The following SHC4 variants were observed in gnomAD, a reference collection of about 807,000 sequenced individuals.
The protein encoded by SHC4 is SHC-transforming protein 4.
A neutral mutation model predicts 69.4 loss-of-function variants in SHC4; 41 were observed. That is an observed-to-expected ratio of 0.59 (90% CI 0.46 to 0.77). The LOEUF (loss-of-function observed/expected upper bound fraction) is 0.77. Among genes scored for constraint, SHC4 ranks in the 30% least tolerant of loss-of-function variants. SHC4 has a pLI of 0.00. For synonymous variants in SHC4, 318 were observed against 299.3 expected (o/e 1.06, Z -0.64); for missense variants, 777 against 783.8 (o/e 0.99, Z 0.10).
chr15:48,902,720 G>A (rs1384035276), intron 2 of SHC4, among the ~76,000 whole-genome samples: 2 of 152,164 alleles, frequency 1.3e-5, no homozygotes, highest in African/African-American at 4.8e-5. Context: ...ACCTCAATAT[G>A]GGGTGACTCT....
At chr15:48,934,271 C>T (rs1182296778) in intron 1 of SHC4, among the ~76,000 whole-genome samples, 2 of 151,892 alleles carry the variant, frequency 1.3e-5, no homozygotes, top group Non-Finnish European at 2.9e-5. Flanking sequence ...TAAAAATGGA[C>T]AAAAGAACTG....
chr15:48,878,524 G>A (rs770806745), intron 4 of SHC4: 5 of 1,614,074 alleles, frequency 3.1e-6, no homozygotes, highest in Non-Finnish European at 4.2e-6. Flanking sequence ...AAGAGGAGCA[G>A]CTCAGTGGTG....
At chr15:48,927,258 G>C (rs1221457430) in intron 1 of SHC4, among the ~76,000 whole-genome samples, 1 of 152,148 alleles carries the variant, frequency 6.6e-6, no homozygotes, top group Non-Finnish European at 1.5e-5. Context: ...CCACCCCAGA[G>C]CCTAGGTCTT....
intron 9 of SHC4, among the ~76,000 whole-genome samples, chr15:48,845,189 C>T (rs1408238609): frequency 6.6e-6 from 1 of 152,134 alleles, no homozygotes; most frequent in African/African-American, 2.4e-5. Context: ...GTCCAAGGAC[C>T]AACCACATAC....
chr15:48,916,639 A>G (rs1466601455), intron 2 of SHC4, among the ~76,000 whole-genome samples: 2 of 151,904 alleles, frequency 1.3e-5, no homozygotes, highest in Non-Finnish European at 2.9e-5. Context: ...GCACAGGTAG[A>G]GATCAGCTAG....
intron 4 of SHC4, among the ~76,000 whole-genome samples, chr15:48,875,052 A>C (rs536307165): frequency 4.6e-5 from 7 of 152,362 alleles, no homozygotes; most frequent in African/African-American, 1.7e-4. Flanking sequence ...CAGTGATGAG[A>C]CTGCAGAAGA....
At chr15:48,882,140 T>C (rs1899958147) in intron 4 of SHC4, among the ~76,000 whole-genome samples, 1 of 152,206 alleles carries the variant, frequency 6.6e-6, no homozygotes, top group Admixed American at 6.5e-5. Context: ...ATCCACAAGG[T>C]CTCTCATCTT....
At chr15:48,920,677 C>A (rs999111601) in intron 2 of SHC4, among the ~76,000 whole-genome samples, 1 of 152,032 alleles carries the variant, frequency 6.6e-6, no homozygotes, top group South Asian at 2.1e-4. Flanking sequence ...ATATCAAAAG[C>A]CTTTAAAACA....
At chr15:48,932,692 C>T (rs12373008) in intron 1 of SHC4, among the ~76,000 whole-genome samples, 145,148 of 152,240 alleles carry the variant, frequency 0.95, 69,386 homozygotes, top group Non-Finnish European at 0.99. Context: ...TCTCCTCTTC[C>T]TCCCCATCCC....
At chr15:48,912,129 G>C (rs1456001439) in intron 2 of SHC4, among the ~76,000 whole-genome samples, 1 of 152,088 alleles carries the variant, frequency 6.6e-6, no homozygotes, top group African/African-American at 2.4e-5. Context: ...GGATGTCTAG[G>C]TCTCTAGCAA....
At chr15:48,938,228 C>T (rs1365207895) in intron 1 of SHC4, 1 of 152,184 alleles carries the variant, frequency 6.6e-6, no homozygotes, top group African/African-American at 2.4e-5. Flanking sequence ...ACTACTCTCT[C>T]CTGATAGATC....
intron 3 of SHC4, among the ~76,000 whole-genome samples, chr15:48,886,457 T>TC (rs1245528836): frequency 6.6e-6 from 1 of 152,094 alleles, no homozygotes; most frequent in Non-Finnish European, 1.5e-5. Context: ...ATTAGAAATG[T>TC]CCTAACAGTT....
intron 2 of SHC4, among the ~76,000 whole-genome samples, chr15:48,910,313 A>G (rs1223369661): frequency 6.6e-6 from 1 of 152,070 alleles, no homozygotes. Context: ...CCAGGAATGT[A>G]TCTATCTCTT....
intron 1 of SHC4, among the ~76,000 whole-genome samples, chr15:48,945,175 A>G (rs1221828397): frequency 6.6e-6 from 1 of 152,252 alleles, no homozygotes; most frequent in African/African-American, 2.4e-5. Flanking sequence ...GCAAAAAGTC[A>G]TAGCTGACTG....
At chr15:48,880,985 AGTGTGT>A (rs10523567) in intron 4 of SHC4, among the ~76,000 whole-genome samples, 4,926 of 146,004 alleles carry the variant, frequency 0.034, 213 homozygotes, top group East Asian at 0.21. Context: ...TGTGTGTGAG[AGTGTGT>A]GTGTGTGTGT....
At chr15:48,904,040 A>G (rs16961821) in intron 2 of SHC4, among the ~76,000 whole-genome samples, 5,643 of 152,294 alleles carry the variant, frequency 0.037, 240 homozygotes, top group East Asian at 0.22. Flanking sequence ...ATCTTTTCCT[A>G]CAGATTTATG....
At chr15:48,838,317 C>T (rs775722124) in intron 10 of SHC4, among the ~76,000 whole-genome samples, 10 of 152,072 alleles carry the variant, frequency 6.6e-5, no homozygotes, top group East Asian at 1.9e-4. Context: ...CCACAAATGA[C>T]GCAAAAGGAC....
intron 2 of SHC4, 55 bp from the exon 3 acceptor site, chr15:48,890,866 A>C: frequency 6.3e-7 from 1 of 1,579,678 alleles, no homozygotes; most frequent in Non-Finnish European, 8.7e-7. Context: ...CCACACAGTA[A>C]GTGTTTAAGA....
rs146979278 is a variant in SHC4, at chr15:48,857,791, T to C, written c.971A>G (p.Asn324Ser). 5.6e-4 allele frequency: 879 copies of C among 1,568,646 alleles called. 2 individuals carry two copies. The African/African-American group carries it at 8.2e-3, about 15-fold the overall frequency. The change falls in exon 7 of 12, where the codon AAT becomes AGT. Residue 324 changes from asparagine (N) to serine (S), a missense_variant. By Grantham distance (46) the Asn-to-Ser change is conservative. Coordinates refer to ENST00000332408, the MANE Select transcript of SHC4 (RefSeq NM_203349.4). ...QRACHILECH[N>S]GMAQDVISTI... is the part of the protein sequence containing the mutation. ...ACTTATGACGTCTTGGGCCATTCCA[T>C]TGTGGCATTCCAATATGTGACAGGC...
Sources: allele counts gnomAD v4.1 joint callset (sites outside exome capture counted in the v4.1 genomes callset), GRCh38; gene constraint gnomAD v4.1.1; transcripts MANE v1.5; gene names NCBI Gene and HGNC (gene_info 2026-07-23, HGNC 2026-07-21).